The following ASTN2 variants were observed in gnomAD, a reference collection of about 807,000 sequenced individuals.
ASTN2 encodes astrotactin-2.
A neutral mutation model predicts 139.8 loss-of-function variants in ASTN2; 54 were observed. That is an observed-to-expected ratio of 0.39 (90% confidence interval 0.31 to 0.48). The LOEUF is 0.48. ASTN2 is among the 20% of genes least tolerant of loss of function. ASTN2 has a pLI of 0.95. For synonymous variants in ASTN2, 756 were observed against 719.5 expected (o/e 1.05, Z -0.81); for missense variants, 1,565 against 1,725.1 (o/e 0.91, Z 1.64).
intron 5 of ASTN2, among the ~76,000 whole-genome samples, chr9:117,046,954 T>C (rs1363450787): frequency 6.6e-6 from 1 of 152,200 alleles, no homozygotes; most frequent in African/African-American, 2.4e-5. Flanking sequence ...CTGGCAAGGT[T>C]TGGTTCCTGC....
At chr9:116,530,123 AT>A (rs1851268722) in intron 19 of ASTN2, among the ~76,000 whole-genome samples, 1 of 55,460 alleles carries the variant, frequency 1.8e-5, no homozygotes, top group African/African-American at 8.3e-5. Flanking sequence ...ATATATATAT[AT>A]ATATATATAT....
At chr9:116,947,909 G>A (rs12552544) in intron 10 of ASTN2, among the ~76,000 whole-genome samples, 30,589 of 152,172 alleles carry the variant, frequency 0.2, 3,203 homozygotes, top group Admixed American at 0.28. Context: ...AGAACCATGC[G>A]TTGTTTTAAT....
intron 19 of ASTN2, chr9:116,585,109 C>T (rs1158996922): frequency 6.6e-6 from 1 of 152,156 alleles, no homozygotes; most frequent in East Asian, 1.9e-4. Flanking sequence ...GGGCATAAGA[C>T]TGACCTGGTT....
Position 116,874,272 on chromosome 9 carries a change from T to C in ASTN2, c.1890-10539A>G, listed in dbSNP as rs554128092. Among the ~76,000 whole-genome samples, 574 of 134,676 alleles carry C rather than the reference T, an allele frequency of 4.3e-3. 2 individuals are homozygous for C. The highest frequency in any genetic ancestry group is 0.014 in the African/African-American group (555 of 38,582). The allele number at this position is 134,676 out of a possible 152,430, so 88.4% of individuals were successfully genotyped here. A position where few individuals can be genotyped will look rare whatever the true frequency, so the allele number is the denominator to read the frequency against. ...CTCTAGCAATTATGGTTTGCACTAA[T>C]TTAGGTTGATATATATATATATTGC... On this transcript the variant is annotated intron_variant, in intron 10 of 22. Coordinates refer to ENST00000313400, the MANE Select transcript of ASTN2 (RefSeq NM_001365068.1).
chr9:116,589,599 G>T (rs1377239859), intron 19 of ASTN2, among the ~76,000 whole-genome samples: 1 of 152,164 alleles, frequency 6.6e-6, no homozygotes, highest in Non-Finnish European at 1.5e-5. Context: ...GTCAAGTCAT[G>T]GTGGAGGCGA....
chr9:117,245,296 G>A lies in ASTN2; in HGVS notation c.631-30554C>T, dbSNP rs535952055. Among the ~76,000 whole-genome samples the A allele has an allele frequency of 2.6e-5, 4 of 152,322 alleles. No homozygotes were observed. In the South Asian group the frequency reaches 8.3e-4, roughly 32 times the overall value. ...GATTAGTCGGAATATTTGGGTGAATGGATAATAACAGGCTAATAAGCCTGC... is the reference window on the plus strand; with the variant it reads ...GATTAGTCGGAATATTTGGGTGAATAGATAATAACAGGCTAATAAGCCTGC... On this transcript the variant is annotated intron_variant, in intron 2 of 22. Transcript: ENST00000313400.
chr9:116,978,444 C>G (rs1458145228), intron 7 of ASTN2, among the ~76,000 whole-genome samples: 5 of 151,746 alleles, frequency 3.3e-5, no homozygotes, highest in Non-Finnish European at 5.9e-5. Flanking sequence ...ATCTCATTAT[C>G]TCTCTCTGTA....
intron 10 of ASTN2, among the ~76,000 whole-genome samples, chr9:116,887,676 C>A (rs1341410072): frequency 1.3e-5 from 2 of 151,922 alleles, no homozygotes; most frequent in Admixed American, 1.3e-4. Context: ...GTTGTTGTTT[C>A]GATTTTTTTG....
At chr9:117,371,052 G>A (rs1829977645) in intron 1 of ASTN2, among the ~76,000 whole-genome samples, 1 of 151,874 alleles carries the variant, frequency 6.6e-6, no homozygotes, top group African/African-American at 2.4e-5. Context: ...CCAAAGAAGG[G>A]CCAAAATTAA....
chr9:117,347,518 C>T (rs1829257492), intron 1 of ASTN2, among the ~76,000 whole-genome samples: 1 of 152,012 alleles, frequency 6.6e-6, no homozygotes, highest in South Asian at 2.1e-4. Flanking sequence ...TGAGGAAAAT[C>T]ATGGTTCAGA....
chr9:117,106,851 G>A (rs974020756), intron 4 of ASTN2, among the ~76,000 whole-genome samples: 3 of 151,630 alleles, frequency 2.0e-5, no homozygotes, highest in African/African-American at 2.4e-5. Flanking sequence ...ATACATATTG[G>A]GGTTAAATTA....
chr9:117,106,182 T>C (rs755055188), intron 4 of ASTN2, among the ~76,000 whole-genome samples: 8 of 152,202 alleles, frequency 5.3e-5, no homozygotes, highest in Non-Finnish European at 1.0e-4. Context: ...AGGTTGCTTA[T>C]GTGCCCACTC....
At chr9:117,115,250 C>T (rs1350361795) in intron 4 of ASTN2, among the ~76,000 whole-genome samples, 3 of 152,202 alleles carry the variant, frequency 2.0e-5, no homozygotes, top group African/African-American at 7.2e-5. Context: ...AATGTGATGG[C>T]TCACACCTGT....
At chr9:116,661,743 C>T (rs961646693) in intron 16 of ASTN2, among the ~76,000 whole-genome samples, 3 of 152,012 alleles carry the variant, frequency 2.0e-5, no homozygotes, top group Non-Finnish European at 4.4e-5. Flanking sequence ...TGCAACCAGG[C>T]CCTCTTTGTA....
At chr9:116,495,446 A>G (rs1849639609) in intron 19 of ASTN2, among the ~76,000 whole-genome samples, 1 of 152,144 alleles carries the variant, frequency 6.6e-6, no homozygotes, top group African/African-American at 2.4e-5. Flanking sequence ...AATCAATCAG[A>G]CTAACTCCAG....
At chr9:116,861,318 CTTAA>C (rs966331353) in intron 11 of ASTN2, among the ~76,000 whole-genome samples, 6 of 151,456 alleles carry the variant, frequency 4.0e-5, no homozygotes, top group African/African-American at 1.5e-4. Flanking sequence ...AGAGAAGGAG[CTTAA>C]TTAATTTGAG....
intron 3 of ASTN2, chr9:117,180,784 T>C: frequency 6.4e-7 from 1 of 1,551,868 alleles, no homozygotes; most frequent in Non-Finnish European, 8.8e-7. Context: ...GATGAGCTGC[T>C]TCTCAGCCAC....
chr9:117,207,313 G>A (rs1337404171), intron 3 of ASTN2, among the ~76,000 whole-genome samples: 1 of 152,156 alleles, frequency 6.6e-6, no homozygotes, highest in East Asian at 1.9e-4. Context: ...CCAAGCAACT[G>A]TGCAGTTATA....
chr9:116,571,417 T>C (rs56367245), intron 19 of ASTN2, among the ~76,000 whole-genome samples: 24,582 of 152,256 alleles, frequency 0.16, 2,178 homozygotes, highest in African/African-American at 0.22. Flanking sequence ...TCTCTTTCCC[T>C]ATTTCTGGCC....
Sources: allele counts gnomAD v4.1 joint callset (sites outside exome capture counted in the v4.1 genomes callset), GRCh38; gene constraint gnomAD v4.1.1; transcripts MANE v1.5; gene names NCBI Gene and HGNC (gene_info 2026-07-23, HGNC 2026-07-21).